Variants in SAMD4B observed in about 807,000 individuals in gnomAD.
The protein encoded by SAMD4B is sterile alpha motif domain containing 4B, also known as protein Smaug homolog 2.
In SAMD4B, 5 loss-of-function variants were observed where a neutral mutation model predicts 74.5. The ratio of observed to expected loss-of-function variants is 0.07; its 90% CI spans 0.04 to 0.14. The LOEUF (loss-of-function observed/expected upper bound fraction) is 0.14. Among genes scored for constraint, SAMD4B ranks in the 10% least tolerant of loss-of-function variants. The pLI is 1.00. For missense variants in SAMD4B, 608 were observed against 921.8 expected (o/e 0.66, Z 4.41); for synonymous variants, 373 against 374.9 (o/e 1.00, Z 0.06).
At position 39,383,566 on chromosome 19, in the gene SAMD4B, C is replaced by T. The variant is rs113782061; in HGVS notation, c.*39C>T. The stretch of plus-strand genomic sequence containing the variant: ...CCAGCGCACCCATAGGCTCCCTGGG[C>T]GGCGGGCGGGGGCCAACCCCCAACG... On this transcript the variant is annotated 3_prime_UTR_variant, in exon 14 of 14. Coordinates refer to ENST00000610417, the MANE Select transcript of SAMD4B (RefSeq NM_001384574.2). The surrounding 1 kb of genome is among the most constrained non-coding windows in gnomAD (Gnocchi z 4.1). The T allele has an allele frequency of 2.0e-5, 32 of 1,614,100 alleles. No homozygotes were observed. In the South Asian group the frequency reaches 2.3e-4, roughly 12 times the overall value.
intron 3 of SAMD4B, among the ~76,000 whole-genome samples, chr19:39,360,350 A>G (rs990681247): frequency 6.6e-6 from 1 of 152,166 alleles, no homozygotes; most frequent in Admixed American, 6.5e-5. Context: ...CTGTGAAATG[A>G]ATTGAATGAT....
At chr19:39,380,893 G>A (rs1055901508) in intron 11 of SAMD4B, 97 bp from the exon 12 acceptor site, 7 of 1,520,266 alleles carry the variant, frequency 4.6e-6, no homozygotes, top group South Asian at 1.3e-5. Flanking sequence ...AGAGGTGGCG[G>A]GGGTGGGAGT....
chr19:39,375,702 C>T lies in SAMD4B; in HGVS notation c.720C>T (p.Ile240=), dbSNP rs540301984. The change falls in exon 5 of 14, where the codon ATC becomes ATT. Residue 240 remains isoleucine, a synonymous_variant. Transcript: ENST00000610417. The surrounding 1 kb of genome is among the most constrained non-coding windows in gnomAD (Gnocchi z 4.1). Reference sequence around the variant, plus strand: ...CACTGAAGCGCTCCATGTCACTCATCCCTACAAGCCCCCAGGTCCCTGGTG... The same window carrying T: ...CACTGAAGCGCTCCATGTCACTCATTCCTACAAGCCCCCAGGTCCCTGGTG... The part of the protein sequence containing the change: ...PSPLKRSMSL[I]PTSPQVPGEW... 440 of 1,613,964 alleles carry T rather than the reference C, an allele frequency of 2.7e-4. 2 individuals carry two copies. Among genetic ancestry groups the T allele is most frequent in the South Asian group, 3.5e-4 (32 of 91,076 alleles).
chr19:39,356,793 G>T lies in SAMD4B; in HGVS notation c.-101G>T. ...ACGCCCAGAAACGTCCTTAAGCCCT[G>T]GCCCTCAGGGGAAAGGTAACAGGAG... On this transcript the variant is annotated 5_prime_UTR_variant, in exon 3 of 14. Transcript: ENST00000610417. The T allele has an allele frequency of 9.9e-7, 1 of 1,009,420 alleles. No homozygotes were observed. The highest frequency in any genetic ancestry group is 2.7e-5 in the East Asian group (1 of 37,422). 62.5% of individuals were successfully genotyped at this position (1,009,420 alleles called of 1,614,324 possible). A position where few individuals can be genotyped will look rare whatever the true frequency, so the allele number is the denominator to read the frequency against.
intron 1 of SAMD4B, among the ~76,000 whole-genome samples, chr19:39,348,892 A>G (rs1483613577): frequency 6.6e-6 from 1 of 152,196 alleles, no homozygotes; most frequent in Non-Finnish European, 1.5e-5. Context: ...GAAAGAGAGG[A>G]ATCTAGAATA....
chr19:39,387,390 G>A (rs189486664), downstream of SAMD4B, among the ~76,000 whole-genome samples: 35 of 152,326 alleles, frequency 2.3e-4, 1 homozygote, highest in East Asian at 6.6e-3. Flanking sequence ...CCAACACTTT[G>A]AGAAACCAGG....
rs374977337 is a variant in SAMD4B, at chr19:39,356,870, G to A, written c.-24G>A. 23 of 1,589,990 alleles carry A rather than the reference G, an allele frequency of 1.4e-5. No individual in the cohort carries two copies. Among genetic ancestry groups the A allele is most frequent in the Middle Eastern group, 2.1e-4 (1 of 4,712 alleles). ...CTGGCCCTCGCCACCGCCGTCCCCC[G>A]ACCCTGGCCCCAGGCCCGGCACCAT... is the stretch of plus-strand genomic sequence containing the variant. On this transcript the variant is annotated 5_prime_UTR_variant, in exon 3 of 14. Coordinates refer to ENST00000610417, the MANE Select transcript of SAMD4B (RefSeq NM_001384574.2).
chr19:39,378,603 T>C lies in SAMD4B; in HGVS notation c.1530+14T>C, dbSNP rs1192751019. On this transcript the variant is annotated intron_variant, in intron 9 of 13. Transcript: ENST00000610417. The surrounding 1 kb of genome is among the most constrained non-coding windows in gnomAD (Gnocchi z 4.4). Reference sequence around the variant, plus strand: ...CTGACTCATGAGGTAAGGCCTTCCCTAGCATACTCAAAAAGGGAAAGGCGG... The same window carrying C: ...CTGACTCATGAGGTAAGGCCTTCCCCAGCATACTCAAAAAGGGAAAGGCGG... 1.2e-6 allele frequency: 2 copies of C among 1,610,982 alleles called. No individual in the cohort carries two copies. The highest frequency in any genetic ancestry group is 1.7e-6 in the Non-Finnish European group (2 of 1,177,366).
chr19:39,389,956 TGTGCTAGGGTAG>T, downstream of SAMD4B: 1 of 1,050,194 alleles, frequency 9.5e-7, no homozygotes, highest in Non-Finnish European at 1.5e-6. The surrounding 1 kb of genome is among the most constrained non-coding windows in gnomAD (Gnocchi z 5.3). Context: ...GCTACTACTA[TGTGCTAGGGTAG>T]GTACTGTGCT....
intron 7 of SAMD4B, 143 bp downstream of exon 7, chr19:39,376,934 A>G (rs937412850): frequency 3.0e-5 from 19 of 643,302 alleles, no homozygotes; most frequent in African/African-American, 7.3e-5. Context: ...CAGGGACCAC[A>G]TGCAAGCCGG....
Position 39,378,212 on chromosome 19 carries a change from A to G in SAMD4B, c.1445-292A>G, listed in dbSNP as rs1212178448. 6.6e-6 allele frequency among the ~76,000 whole-genome samples: 1 copy of G among 152,210 alleles called. No homozygotes were observed. The highest frequency in any genetic ancestry group is 1.5e-5 in the Non-Finnish European group (1 of 68,044). On this transcript the variant is annotated intron_variant, in intron 8 of 13. Coordinates refer to ENST00000610417, the MANE Select transcript of SAMD4B (RefSeq NM_001384574.2). The surrounding 1 kb of genome is among the most constrained non-coding windows in gnomAD (Gnocchi z 4.4). ...CTTTCCTAAAGCAGCATGATACAGC[A>G]GACTTTACACTTGGATCCAGATCAG...
Position 39,378,027 on chromosome 19 carries a change from C to G in SAMD4B, c.1444+203C>G, listed in dbSNP as rs1248713214. Among the ~76,000 whole-genome samples, 1 of 152,210 alleles carries G rather than the reference C, an allele frequency of 6.6e-6. No homozygotes were observed. Among genetic ancestry groups the G allele is most frequent in the Admixed American group, 6.5e-5 (1 of 15,282 alleles). On this transcript the variant is annotated intron_variant, in intron 8 of 13. Transcript: ENST00000610417. The surrounding 1 kb of genome is among the most constrained non-coding windows in gnomAD (Gnocchi z 4.4). Reference sequence around the variant, plus strand: ...TCTGGGCTGATGGTGGATAACAGCCCTTCCCCTCAAAGCGTCTCCAGGCTG... The same window carrying G: ...TCTGGGCTGATGGTGGATAACAGCCGTTCCCCTCAAAGCGTCTCCAGGCTG...
In SAMD4B at chr19:39,380,760, C is replaced by G; in HGVS notation, c.1823C>G (p.Pro608Arg). 6.4e-7 allele frequency: 1 copy of G among 1,572,408 alleles called. No homozygotes were observed. The highest frequency in any genetic ancestry group is 8.6e-7 in the Non-Finnish European group (1 of 1,158,482). ...TCCCCTCGACATGCCCTCACCAGCC[C>G]CAGCCTTGGAGGCCAGGGCCGACAG... is the stretch of plus-strand genomic sequence containing the variant. ...GVSPRHALTS[P>R]SLGGQGRQNL... Residue 608 changes from proline to arginine, a missense_variant, in exon 11 of 14, where the codon CCC becomes CGC. Physicochemically the swap from Pro to Arg is moderately radical, Grantham distance 103. Transcript: ENST00000610417.
chr19:39,342,890 C>A (rs914318181), intron 1 of SAMD4B, among the ~76,000 whole-genome samples: 3 of 149,338 alleles, frequency 2.0e-5, no homozygotes, highest in Non-Finnish European at 4.5e-5. Flanking sequence ...CCTCGGAGAG[C>A]CCCGGAAAGC....
At chr19:39,368,314 A>AC (rs1306248899) in intron 3 of SAMD4B, among the ~76,000 whole-genome samples, 1 of 152,210 alleles carries the variant, frequency 6.6e-6, no homozygotes, top group Non-Finnish European at 1.5e-5. Flanking sequence ...ATGACATGGA[A>AC]CAGCCAGGGA....
chr19:39,370,235 G>C (rs1180878900), intron 4 of SAMD4B, 110 bp downstream of exon 4: 8 of 1,083,014 alleles, frequency 7.4e-6, no homozygotes, highest in Non-Finnish European at 9.5e-6. Context: ...TAAGCTGTAG[G>C]CCTCAACTTT....
chr19:39,364,987 C>G (rs559736856), intron 3 of SAMD4B, among the ~76,000 whole-genome samples: 1 of 152,242 alleles, frequency 6.6e-6, no homozygotes, highest in South Asian at 2.1e-4. Context: ...CACCTGGAAT[C>G]CCAGCACTTT....
In SAMD4B at chr19:39,383,656, C is replaced by G; in HGVS notation, c.*129C>G. The G allele has an allele frequency of 1.3e-6, 2 of 1,588,868 alleles. No individual in the cohort carries two copies. The highest frequency in any genetic ancestry group is 2.3e-5 in the East Asian group (1 of 43,440). ...ATATATTCTAATATTTTTCTACTCTCTTACCCTCTTAACTTTTGTTTAACA... is the reference window on the plus strand; with the variant it reads ...ATATATTCTAATATTTTTCTACTCTGTTACCCTCTTAACTTTTGTTTAACA... On this transcript the variant is annotated 3_prime_UTR_variant, in exon 14 of 14. Coordinates refer to ENST00000610417, the MANE Select transcript of SAMD4B (RefSeq NM_001384574.2). This position sits in a 1 kb window ranked among gnomAD's most constrained non-coding sequence, Gnocchi z 4.1.
chr19:39,366,852 A>G (rs564644065), intron 3 of SAMD4B, among the ~76,000 whole-genome samples: 1 of 152,214 alleles, frequency 6.6e-6, no homozygotes, highest in African/African-American at 2.4e-5. Context: ...TCAGATGTCT[A>G]GGTTTCCAAG....
Sources: allele counts gnomAD v4.1 joint callset (sites outside exome capture counted in the v4.1 genomes callset), GRCh38; gene constraint gnomAD v4.1.1; non-coding constraint Gnocchi (gnomAD v3.1); transcripts MANE v1.5; gene names NCBI Gene and HGNC (gene_info 2026-07-23, HGNC 2026-07-21).